FSTL4: variants seen among roughly 807,000 people sequenced by gnomAD.
FSTL4 encodes the protein follistatin like 4.
Under a neutral mutation model 78.2 loss-of-function variants are expected in FSTL4, and 28 were observed. The observed-to-expected ratio is 0.36, with a 90% CI of 0.27 to 0.49. The LOEUF (loss-of-function observed/expected upper bound fraction) is 0.49, where lower values mean the gene tolerates loss of function less well. Among genes scored for constraint, FSTL4 ranks in the 20% least tolerant of loss-of-function variants. The pLI is 0.98. For missense variants in FSTL4, 922 were observed against 1,084.9 expected (o/e 0.85, Z 2.11); for synonymous variants, 422 against 440.5 (o/e 0.96, Z 0.53).
chr5:133,766,188 T>C, the FSTL4 span, among the ~76,000 whole-genome samples: 11 of 152,088 alleles, frequency 7.2e-5, no homozygotes, highest in Non-Finnish European at 1.0e-4. Context: ...CCATGGTCTG[T>C]TTTTGTACTG....
intron 6 of FSTL4, among the ~76,000 whole-genome samples, chr5:133,299,809 G>C (rs1201728367): frequency 1.3e-5 from 2 of 152,192 alleles, no homozygotes; most frequent in South Asian, 2.1e-4. Context: ...TGGGGGGCTG[G>C]GGAGGGTGAG....
chr5:133,634,169 A>G, the FSTL4 span, among the ~76,000 whole-genome samples: 1 of 152,204 alleles, frequency 6.6e-6, no homozygotes, highest in South Asian at 2.1e-4. Flanking sequence ...GCCATCTCTG[A>G]CACCATTGTG....
chr5:133,232,832 G>C (rs556265997), intron 8 of FSTL4, among the ~76,000 whole-genome samples: 1 of 152,204 alleles, frequency 6.6e-6, no homozygotes, highest in Non-Finnish European at 1.5e-5. Flanking sequence ...TCATCAGGAG[G>C]CAGTGAATTC....
chr5:133,301,612 C>T lies in FSTL4; in HGVS notation c.727+11042G>A, dbSNP rs189575304. ...GAGTCCTTTGGGGCCCATTCCCACCCCACCTGGATGCGTTTTGCAGTCCCA... is the reference window on the plus strand; with the variant it reads ...GAGTCCTTTGGGGCCCATTCCCACCTCACCTGGATGCGTTTTGCAGTCCCA... On this transcript the variant is annotated intron_variant, in intron 6 of 15. Coordinates refer to ENST00000265342, the MANE Select transcript of FSTL4 (RefSeq NM_015082.2). 1.2e-4 allele frequency among the ~76,000 whole-genome samples: 19 copies of T among 152,278 alleles called. No individual in the cohort carries two copies. In the East Asian group the frequency reaches 3.5e-3, roughly 28 times the overall value.
At position 133,589,165 on chromosome 5, in the gene FSTL4, T is replaced by C. The variant is rs1228930334; in HGVS notation, c.126+14693A>G. 2.6e-4 allele frequency among the ~76,000 whole-genome samples: 15 copies of C among 57,046 alleles called. No homozygotes were observed. The South Asian group carries it at 3.1e-3, about 12-fold the overall frequency. 37.4% of individuals were successfully genotyped at this position (57,046 alleles called of 152,430 possible). ...GTCGGGGGAGGGGGGAGGGATAGCA[T>C]TGGGAGATATACCTAATGCTAGATG... On this transcript the variant is annotated intron_variant, in intron 2 of 15. Coordinates refer to ENST00000265342, the MANE Select transcript of FSTL4 (RefSeq NM_015082.2).
intron 3 of FSTL4, among the ~76,000 whole-genome samples, chr5:133,465,802 G>A (rs1214047074): frequency 6.6e-6 from 1 of 152,228 alleles, no homozygotes; most frequent in Non-Finnish European, 1.5e-5. Flanking sequence ...GTCTTAATGA[G>A]GACCCTGACA....
At chr5:133,671,704 G>T in the FSTL4 span, among the ~76,000 whole-genome samples, 698 of 152,254 alleles carry the variant, frequency 4.6e-3, 8 homozygotes, top group African/African-American at 0.016. Flanking sequence ...GTCCTGATTG[G>T]CTAGCAACTT....
At chr5:133,494,728 G>A (rs1427876782) in intron 3 of FSTL4, among the ~76,000 whole-genome samples, 1 of 152,218 alleles carries the variant, frequency 6.6e-6, no homozygotes, top group Non-Finnish European at 1.5e-5. Context: ...CCTGGTTTAT[G>A]TGCACATTTA....
the FSTL4 span, among the ~76,000 whole-genome samples, chr5:133,750,360 C>T: frequency 1.3e-5 from 2 of 152,214 alleles, no homozygotes; most frequent in South Asian, 4.1e-4. Flanking sequence ...AATCACTGCA[C>T]ACTTTCTGTG....
chr5:133,432,190 A>G (rs1756954393), intron 3 of FSTL4, among the ~76,000 whole-genome samples: 1 of 152,194 alleles, frequency 6.6e-6, no homozygotes, highest in South Asian at 2.1e-4. Context: ...AGAGGCTCAG[A>G]GAGGTTGTGA....
At chr5:133,329,882 G>T (rs974064883) in intron 4 of FSTL4, among the ~76,000 whole-genome samples, 14 of 152,138 alleles carry the variant, frequency 9.2e-5, no homozygotes, top group Non-Finnish European at 1.9e-4. Context: ...ACTATTACTT[G>T]AGCCTAGAAT....
intron 2 of FSTL4, among the ~76,000 whole-genome samples, chr5:133,600,148 A>T (rs189290960): frequency 2.6e-5 from 4 of 152,324 alleles, no homozygotes; most frequent in Admixed American, 2.0e-4. Flanking sequence ...GTGCCCATAC[A>T]TCCCTTCTGT....
intron 4 of FSTL4, among the ~76,000 whole-genome samples, chr5:133,328,383 A>G (rs1754266635): frequency 6.6e-6 from 1 of 152,200 alleles, no homozygotes; most frequent in Admixed American, 6.5e-5. Flanking sequence ...GCTGTCTGAC[A>G]TTTACAATCC....
intron 5 of FSTL4, among the ~76,000 whole-genome samples, chr5:133,313,945 G>A (rs1027660147): frequency 1.3e-5 from 2 of 152,100 alleles, no homozygotes; most frequent in Admixed American, 6.6e-5. Flanking sequence ...TTTATGAAAT[G>A]GACTTTAACT....
At chr5:133,459,253 A>C (rs1757548896) in intron 3 of FSTL4, among the ~76,000 whole-genome samples, 1 of 152,160 alleles carries the variant, frequency 6.6e-6, no homozygotes, top group Non-Finnish European at 1.5e-5. Context: ...AAACCCACCG[A>C]CAGTCCCCGA....
rs573955602 is a variant in FSTL4 at position 133,404,859 on chromosome 5, T to C, written c.161-3873A>G. ...ACCAAGAGCACAGACAGTTGGGTAATTTTGCTTCCAAATACTGACTCAGCC... is the reference window on the plus strand; with the variant it reads ...ACCAAGAGCACAGACAGTTGGGTAACTTTGCTTCCAAATACTGACTCAGCC... On this transcript the variant is annotated intron_variant, in intron 3 of 15. Coordinates refer to ENST00000265342, the MANE Select transcript of FSTL4 (RefSeq NM_015082.2). Among the ~76,000 whole-genome samples the C allele has an allele frequency of 2.6e-5, 4 of 152,282 alleles. No individual in the cohort carries two copies. The East Asian group carries it at 7.7e-4, about 29-fold the overall frequency.
chr5:133,455,872 C>A (rs1258443082), intron 3 of FSTL4, among the ~76,000 whole-genome samples: 2 of 152,226 alleles, frequency 1.3e-5, no homozygotes, highest in Non-Finnish European at 2.9e-5. Flanking sequence ...TGCTCCCTTG[C>A]CAGGAAGGGA....
At chr5:133,219,368 C>T (rs1267696028) in intron 12 of FSTL4, among the ~76,000 whole-genome samples, 1 of 152,196 alleles carries the variant, frequency 6.6e-6, no homozygotes, top group Admixed American at 6.5e-5. Flanking sequence ...TCCCAACTTG[C>T]CTATGAGACA....
chr5:133,292,281 T>TC (rs2126869683), intron 6 of FSTL4, among the ~76,000 whole-genome samples: 1 of 152,334 alleles, frequency 6.6e-6, no homozygotes, highest in Non-Finnish European at 1.5e-5. Flanking sequence ...GGGGCTGCAC[T>TC]AGCCTCTGGG....
Sources: allele counts gnomAD v4.1 joint callset (sites outside exome capture counted in the v4.1 genomes callset), GRCh38; gene constraint gnomAD v4.1.1; transcripts MANE v1.5; gene names NCBI Gene and HGNC (gene_info 2026-07-23, HGNC 2026-07-21).